The following WFDC10B variants were observed in gnomAD, a reference collection of about 807,000 sequenced individuals.
The protein encoded by WFDC10B is WAP four-disulfide core domain 10B, also known as protein WFDC10B.
In WFDC10B, 1 loss-of-function variant was observed where a neutral mutation model predicts 2.7. That is an observed-to-expected ratio of 0.38 (90% CI 0.13 to 1.79). The LOEUF (loss-of-function observed/expected upper bound fraction) is 1.79. Ranked by LOEUF, WFDC10B falls within the 40% of genes most tolerant of loss-of-function variation. WFDC10B has a pLI of 0.33. For missense variants in WFDC10B, 71 were observed against 87.8 expected (o/e 0.81, Z 0.76); for synonymous variants, 26 against 32.2 (o/e 0.81, Z 0.65).
At chr20:45,702,748 A>G (rs1308383205) in intron 2 of WFDC10B, among the ~76,000 whole-genome samples, 2 of 152,212 alleles carry the variant, frequency 1.3e-5, no homozygotes, top group African/African-American at 4.8e-5. Flanking sequence ...ATTAGCATCA[A>G]TGGGACAGTG....
At chr20:45,694,452 C>T (rs1015553926) in intron 2 of WFDC10B, among the ~76,000 whole-genome samples, 12 of 152,084 alleles carry the variant, frequency 7.9e-5, no homozygotes, top group African/African-American at 2.2e-4. Flanking sequence ...GATTATATAT[C>T]GATAAAAGGG....
At position 45,702,240 on chromosome 20, in the gene WFDC10B, GA is replaced by G. The variant is rs780792895; in HGVS notation, c.-65+2256del. 35 of 1,595,732 alleles carry G rather than the reference GA, an allele frequency of 2.2e-5. No homozygotes were observed. The South Asian group carries it at 4.0e-4, about 18-fold the overall frequency. Reference sequence around the variant, plus strand: ...GGTGCTGGATCTGGGCCCAAGGAGGGAAGTAACATGTGTGGATAGGAGAGGA... The same window carrying G: ...GGTGCTGGATCTGGGCCCAAGGAGGGAGTAACATGTGTGGATAGGAGAGGA... On this transcript the variant is annotated intron_variant, in intron 2 of 3. Transcript: ENST00000330523.
intron 2 of WFDC10B, among the ~76,000 whole-genome samples, chr20:45,696,083 G>A (rs55736819): frequency 0.011 from 1,721 of 151,712 alleles, 30 homozygotes; most frequent in African/African-American, 0.039. Context: ...TCAGGAGATC[G>A]AGACCATCCT....
chr20:45,688,584 G>C (rs1285664110), intron 2 of WFDC10B, among the ~76,000 whole-genome samples: 3 of 152,090 alleles, frequency 2.0e-5, no homozygotes, highest in Admixed American at 1.3e-4. Flanking sequence ...GCATTTCTCT[G>C]ATGGCCAGTG....
chr20:45,691,721 C>G (rs534446451), intron 2 of WFDC10B, among the ~76,000 whole-genome samples: 4 of 152,212 alleles, frequency 2.6e-5, no homozygotes, highest in South Asian at 2.1e-4. Flanking sequence ...TATTTTGAGC[C>G]TATGTGTGTC....
intron 2 of WFDC10B, among the ~76,000 whole-genome samples, chr20:45,697,821 G>A (rs1013387596): frequency 6.9e-6 from 1 of 145,250 alleles, no homozygotes; most frequent in Non-Finnish European, 1.5e-5. Flanking sequence ...TCAGCTCACT[G>A]CAACCTCCGC....
intron 2 of WFDC10B, among the ~76,000 whole-genome samples, chr20:45,694,034 G>A (rs6130894): frequency 0.19 from 28,834 of 152,106 alleles, 2,987 homozygotes; most frequent in East Asian, 0.32. Context: ...GATACTAGAC[G>A]TTTGTCAGGT....
At chr20:45,704,661 T>A in intron 1 of WFDC10B, 100 bp from the exon 2 acceptor site, 1 of 1,573,596 alleles carries the variant, frequency 6.4e-7, no homozygotes, top group Non-Finnish European at 8.6e-7. Flanking sequence ...GAAGAGTCCC[T>A]TACCAGCAAC....
In WFDC10B at chr20:45,686,099, C is replaced by T; in HGVS notation, c.-64-43G>A. 6 of 1,508,398 alleles carry T rather than the reference C, an allele frequency of 4.0e-6. 1 individual carries two copies. In the Admixed American group the frequency reaches 8.2e-5, roughly 21 times the overall value. 93.4% of individuals were successfully genotyped at this position (1,508,398 alleles called of 1,614,324 possible). A position where few individuals can be genotyped will look rare whatever the true frequency, so the allele number is the denominator to read the frequency against. ...AATAAAGAAGGAATGATCTTCAGCT[C>T]CTCGCTGCCTCCACTGGACAAGTCA... On this transcript the variant is annotated intron_variant, in intron 2 of 3. Transcript: ENST00000330523.
At chr20:45,700,555 T>G (rs1221415990) in intron 2 of WFDC10B, among the ~76,000 whole-genome samples, 1 of 152,238 alleles carries the variant, frequency 6.6e-6, no homozygotes, top group Non-Finnish European at 1.5e-5. Context: ...GAATGTTCAC[T>G]GCATTAACAG....
intron 2 of WFDC10B, among the ~76,000 whole-genome samples, chr20:45,692,017 T>TC (rs1568671385): frequency 3.9e-5 from 6 of 152,184 alleles, no homozygotes; most frequent in South Asian, 2.1e-4. Context: ...CAGGAGCTCT[T>TC]TTAGGGCAGG....
chr20:45,700,692 T>C (rs1376610069), intron 2 of WFDC10B, among the ~76,000 whole-genome samples: 2 of 152,202 alleles, frequency 1.3e-5, no homozygotes, highest in Admixed American at 6.5e-5. Flanking sequence ...TGATAGAGGG[T>C]ACTTATGAGA....
At chr20:45,704,470 A>G (rs1459971068) in intron 2 of WFDC10B, 27 bp downstream of exon 2, 1 of 1,614,068 alleles carries the variant, frequency 6.2e-7, no homozygotes, top group Non-Finnish European at 8.5e-7. Context: ...TCCACCCTGC[A>G]TATCAGCACC....
chr20:45,691,975 C>T (rs191836744), intron 2 of WFDC10B, among the ~76,000 whole-genome samples: 2,133 of 152,240 alleles, frequency 0.014, 88 homozygotes, highest in Admixed American at 0.099. Flanking sequence ...TGGCTGGTAA[C>T]GGTTGTTCCT....
rs749628057 is a variant in WFDC10B at position 45,693,550 on chromosome 20, G to C, written c.-64-7494C>G. ...TGCAATGGTGGGCGCCCCTCCCCCA[G>C]CCTTGCTGCCGCCTTGCTGTTTGAT... On this transcript the variant is annotated intron_variant, in intron 2 of 3. Transcript: ENST00000330523. Among the ~76,000 whole-genome samples the C allele has an allele frequency of 3.3e-5, 5 of 152,072 alleles. No individual in the cohort carries two copies. In the South Asian group the frequency reaches 8.3e-4, roughly 25 times the overall value.
At chr20:45,688,130 T>G (rs1156888629) in intron 2 of WFDC10B, among the ~76,000 whole-genome samples, 2 of 149,944 alleles carry the variant, frequency 1.3e-5, no homozygotes, top group African/African-American at 2.5e-5. Flanking sequence ...CGGTGTTTGG[T>G]TTTTTGTTCT....
chr20:45,701,762 C>CT (rs1984169814), intron 2 of WFDC10B, among the ~76,000 whole-genome samples: 1 of 128,128 alleles, frequency 7.8e-6, no homozygotes, highest in Admixed American at 9.3e-5. Flanking sequence ...ACTCCATCAT[C>CT]TCAAAAAAAA....
chr20:45,693,767 C>T (rs554064835), intron 2 of WFDC10B, among the ~76,000 whole-genome samples: 3 of 152,350 alleles, frequency 2.0e-5, no homozygotes, highest in African/African-American at 7.2e-5. Flanking sequence ...AACTCCCTGA[C>T]CCCTTGCGCT....
chr20:45,700,195 G>T (rs1984109107), intron 2 of WFDC10B, among the ~76,000 whole-genome samples: 1 of 152,158 alleles, frequency 6.6e-6, no homozygotes, highest in South Asian at 2.1e-4. Flanking sequence ...ATGAACTACT[G>T]GAGAGCAGTT....
Sources: gnomAD v4.1 joint callset for allele counts (sites outside exome capture counted in the v4.1 genomes callset) on GRCh38, gnomAD v4.1.1 for gene constraint, MANE v1.5 for transcripts, NCBI Gene and HGNC (gene_info 2026-07-23, HGNC 2026-07-21) for gene names.